The following EPHA3 variants were observed in gnomAD, a reference collection of about 807,000 sequenced individuals.
EPHA3 encodes the protein ephrin type-A receptor 3.
Under a neutral mutation model 107.1 loss-of-function variants are expected in EPHA3, and 42 were observed. That is an observed-to-expected ratio of 0.39 (90% CI 0.31 to 0.51). The LOEUF (loss-of-function observed/expected upper bound fraction) is 0.51, where lower values mean the gene tolerates loss of function less well. Among genes scored for constraint, EPHA3 ranks in the 20% least tolerant of loss-of-function variants. The probability of loss-of-function intolerance (pLI) is 0.78; values close to 1 mark genes in which losing one functional copy is unlikely to be tolerated. For missense variants in EPHA3, 1,183 were observed against 1,211.2 expected (o/e 0.98, Z 0.35); for synonymous variants, 461 against 424.8 (o/e 1.09, Z -1.05).
intron 1 of EPHA3, among the ~76,000 whole-genome samples, chr3:89,126,239 T>C (rs1419748768): frequency 6.6e-6 from 1 of 151,776 alleles, no homozygotes; most frequent in Non-Finnish European, 1.5e-5. Flanking sequence ...CTTCACATCC[T>C]CCATTAGTCA....
At chr3:89,461,230 T>G (rs1710234056) in intron 15 of EPHA3, among the ~76,000 whole-genome samples, 1 of 108,924 alleles carries the variant, frequency 9.2e-6, no homozygotes, top group Non-Finnish European at 1.8e-5. Flanking sequence ...CTATCATTGT[T>G]GGACATTTGG....
intron 2 of EPHA3, among the ~76,000 whole-genome samples, chr3:89,132,986 G>A (rs1026896181): frequency 2.6e-5 from 4 of 152,168 alleles, no homozygotes; most frequent in African/African-American, 7.2e-5. Context: ...TAGAGCAAAT[G>A]AGATTTGAGC....
chr3:89,246,690 T>C (rs754621059), intron 3 of EPHA3, among the ~76,000 whole-genome samples: 1 of 152,232 alleles, frequency 6.6e-6, no homozygotes, highest in Non-Finnish European at 1.5e-5. Context: ...ATACTTTCAA[T>C]AACTTTTCTT....
chr3:89,428,542 TAAAC>T (rs1576372949), intron 11 of EPHA3, among the ~76,000 whole-genome samples: 1 of 152,076 alleles, frequency 6.6e-6, no homozygotes, highest in African/African-American at 2.4e-5. Context: ...TTTTAAGTGT[TAAAC>T]AAATTTTGTA....
At chr3:89,399,585 T>G in intron 7 of EPHA3, 105 bp downstream of exon 7, 18 of 1,505,904 alleles carry the variant, frequency 1.2e-5, no homozygotes, top group Non-Finnish European at 1.6e-5. Flanking sequence ...ATGTGATACA[T>G]TTAAGGTATA....
Position 89,395,940 on chromosome 3 carries a change from C to G in EPHA3, c.1410C>G (p.Tyr470Ter). Reference sequence around the variant, plus strand: ...ATCCTAATGGGATCATATTGGACTACGAGGTCAAATACTATGAAAAGGTGG... The same window carrying G: ...ATCCTAATGGGATCATATTGGACTAGGAGGTCAAATACTATGAAAAGGTGG... ...PEHPNGIILD[Y>*]EVKYYEKQEQ... The change falls in exon 6 of 17, where the codon TAC (tyrosine) becomes TAG (stop). Residue 470 changes from tyrosine (Y) to a stop codon, truncating the protein, a stop_gained. Coordinates refer to ENST00000336596, the MANE Select transcript of EPHA3 (RefSeq NM_005233.6). LOFTEE classifies it high-confidence loss of function. The G allele has an allele frequency of 6.2e-7, 1 of 1,613,822 alleles. No individual in the cohort carries two copies. The highest frequency in any genetic ancestry group is 8.5e-7 in the Non-Finnish European group (1 of 1,179,858).
At chr3:89,110,036 G>A (rs188596144) in intron 1 of EPHA3, among the ~76,000 whole-genome samples, 120 of 152,004 alleles carry the variant, frequency 7.9e-4, no homozygotes, top group African/African-American at 2.7e-3. Flanking sequence ...CAAGATTTCC[G>A]TGCAATTTTT....
At chr3:89,135,208 C>T (rs1375562659) in intron 2 of EPHA3, among the ~76,000 whole-genome samples, 12 of 152,136 alleles carry the variant, frequency 7.9e-5, no homozygotes, top group Admixed American at 7.9e-4. Flanking sequence ...CACCCTCCTG[C>T]CCCACCACCT....
intron 3 of EPHA3, among the ~76,000 whole-genome samples, chr3:89,251,552 T>A (rs976001594): frequency 2.6e-5 from 4 of 152,072 alleles, no homozygotes; most frequent in African/African-American, 9.7e-5. Context: ...TTAATAGAGA[T>A]AGAAACCACA....
chr3:89,199,262 A>G (rs148992617), intron 2 of EPHA3, among the ~76,000 whole-genome samples: 4 of 152,302 alleles, frequency 2.6e-5, no homozygotes, highest in Non-Finnish European at 5.9e-5. Flanking sequence ...TAATTTTCAG[A>G]TAATGGTATA....
chr3:89,369,345 A>G (rs1020553985), intron 5 of EPHA3, among the ~76,000 whole-genome samples: 10 of 150,704 alleles, frequency 6.6e-5, no homozygotes, highest in African/African-American at 1.9e-4. Flanking sequence ...AAATAATGCC[A>G]CGTATCTACA....
At chr3:89,196,584 G>A (rs1705841691) in intron 2 of EPHA3, among the ~76,000 whole-genome samples, 1 of 148,246 alleles carries the variant, frequency 6.7e-6, no homozygotes, top group Non-Finnish European at 1.5e-5. Context: ...AACTCAGTTG[G>A]AATTTTGGGG....
chr3:89,275,082 A>G (rs1705773309), intron 3 of EPHA3, among the ~76,000 whole-genome samples: 1 of 152,058 alleles, frequency 6.6e-6, no homozygotes, highest in Non-Finnish European at 1.5e-5. Context: ...TCAAATAGAT[A>G]GTAAGTAGTT....
intron 5 of EPHA3, among the ~76,000 whole-genome samples, chr3:89,393,145 A>G (rs1478051933): frequency 3.3e-5 from 5 of 152,202 alleles, no homozygotes; most frequent in Non-Finnish European, 7.3e-5. Flanking sequence ...AGAGCAGAAC[A>G]AATGACTTAT....
chr3:89,241,005 T>G (rs1332773648), intron 3 of EPHA3, among the ~76,000 whole-genome samples: 1 of 152,076 alleles, frequency 6.6e-6, no homozygotes, highest in Non-Finnish European at 1.5e-5. Context: ...AAACGTATAA[T>G]TTATCTTTTA....
intron 5 of EPHA3, among the ~76,000 whole-genome samples, chr3:89,345,177 A>G (rs1465165410): frequency 6.6e-6 from 1 of 151,180 alleles, no homozygotes; most frequent in African/African-American, 2.4e-5. Flanking sequence ...TATAGCATAT[A>G]ATGATCTCAG....
At chr3:89,436,107 C>A (rs963011891) in intron 13 of EPHA3, among the ~76,000 whole-genome samples, 2 of 151,398 alleles carry the variant, frequency 1.3e-5, no homozygotes, top group Admixed American at 6.6e-5. Flanking sequence ...GGGGATGGAG[C>A]AGGACCCTTT....
intron 13 of EPHA3, among the ~76,000 whole-genome samples, chr3:89,448,399 A>G (rs1204295899): frequency 6.6e-6 from 1 of 152,226 alleles, no homozygotes; most frequent in African/African-American, 2.4e-5. Context: ...CAAAAGAGCC[A>G]GTATGTTATT....
intron 5 of EPHA3, among the ~76,000 whole-genome samples, chr3:89,348,199 C>A (rs1164130072): frequency 1.5e-5 from 2 of 129,558 alleles, no homozygotes; most frequent in Non-Finnish European, 3.3e-5. Context: ...GGTACCAGTT[C>A]CTCCTTGTAC....
Sources: allele counts gnomAD v4.1 joint callset (sites outside exome capture counted in the v4.1 genomes callset), GRCh38; gene constraint gnomAD v4.1.1; transcripts MANE v1.5; gene names NCBI Gene and HGNC (gene_info 2026-07-23, HGNC 2026-07-21).